Variants in GAB4 observed in about 807,000 individuals in gnomAD.
The protein encoded by GAB4 is GRB2 associated binding protein family member 4.
Under a neutral mutation model 51.3 loss-of-function variants are expected in GAB4, and 26 were observed. That is an observed-to-expected ratio of 0.51 (90% confidence interval 0.37 to 0.70). The LOEUF (loss-of-function observed/expected upper bound fraction) is 0.70. GAB4 is among the 30% of genes least tolerant of loss of function. The pLI, the probability that GAB4 is intolerant of heterozygous loss-of-function variation, is 0.00. For missense variants in GAB4, 759 were observed against 734.6 expected (o/e 1.03, Z -0.38); for synonymous variants, 329 against 291.2 (o/e 1.13, Z -1.32).
intron 1 of GAB4, among the ~76,000 whole-genome samples, chr22:16,998,630 C>G (rs1020103133): frequency 1.3e-5 from 2 of 152,120 alleles, no homozygotes; most frequent in Non-Finnish European, 2.9e-5. Flanking sequence ...AATTGAATAC[C>G]CTTTATTTCT....
In GAB4 at chr22:16,965,267, G is replaced by A; in HGVS notation, c.1290C>T (p.Ala430=). The A allele has an allele frequency of 6.2e-7, 1 of 1,613,036 alleles. No individual in the cohort carries two copies. Among genetic ancestry groups the A allele is most frequent in the Non-Finnish European group, 8.5e-7 (1 of 1,179,226 alleles). ...VNRSLKPNQK[A]NPTPPNLRNN... ...TTCTCAGGTTGGGCGGTGTTGGGTT[G>A]GCTGGAGCAGGAAAAGAACCTTGTC... Residue 430 remains alanine, a splice_region_variant and synonymous_variant, in exon 7 of 10, where the codon GCC becomes GCT. Coordinates refer to ENST00000400588, the MANE Select transcript of GAB4 (RefSeq NM_001037814.1).
intron 9 of GAB4, among the ~76,000 whole-genome samples, chr22:16,963,412 A>G (rs2060644994): frequency 6.6e-6 from 1 of 152,156 alleles, no homozygotes; most frequent in African/African-American, 2.4e-5. Flanking sequence ...TCCTCACAGA[A>G]GAGTTTGGCC....
chr22:16,991,084 C>G (rs2060909715), intron 2 of GAB4, among the ~76,000 whole-genome samples: 1 of 152,122 alleles, frequency 6.6e-6, no homozygotes. Flanking sequence ...AGCCCTGGAC[C>G]CTTGCTACTC....
rs747117251 is a variant in GAB4, at chr22:16,963,840, A to G, written c.1477-11T>C. ...TGCAGATGCCGGGTTCTGCTGTCACAAGGAGGAAAATCCTGCAAATGAGTT... is the reference window on the plus strand; with the variant it reads ...TGCAGATGCCGGGTTCTGCTGTCACGAGGAGGAAAATCCTGCAAATGAGTT... On this transcript the variant is annotated splice_polypyrimidine_tract_variant and intron_variant, in intron 8 of 9. Coordinates refer to ENST00000400588, the MANE Select transcript of GAB4 (RefSeq NM_001037814.1). 4.3e-6 allele frequency: 7 copies of G among 1,609,246 alleles called. No individual in the cohort carries two copies. The East Asian group carries it at 1.3e-4, about 31-fold the overall frequency.
At chr22:17,003,207 T>C (rs917650416) in intron 1 of GAB4, among the ~76,000 whole-genome samples, 3 of 152,182 alleles carry the variant, frequency 2.0e-5, no homozygotes, top group Non-Finnish European at 4.4e-5. Flanking sequence ...AGAAAGAGAC[T>C]TAGACTCCCA....
At chr22:16,967,460 G>C (rs942429406) in intron 5 of GAB4, 4 of 152,354 alleles carry the variant, frequency 2.6e-5, no homozygotes, top group African/African-American at 4.8e-5. Context: ...TCAAGGCAAG[G>C]ATCACATCAG....
chr22:17,007,558 G>C lies in GAB4; in HGVS notation c.174+383C>G, dbSNP rs559115301. On this transcript the variant is annotated intron_variant, in intron 1 of 9. Transcript: ENST00000400588. The stretch of plus-strand genomic sequence containing the variant: ...AGGCGCCTGCCTTCCTTGGGGCCTG[G>C]GAGGGAAGGAGAGAGGGTGCGAGGT... Among the ~76,000 whole-genome samples, 11 of 152,168 alleles carry C rather than the reference G, an allele frequency of 7.2e-5. No individual in the cohort carries two copies. In the East Asian group the frequency reaches 1.9e-3, roughly 27 times the overall value.
rs1403783013 is a variant in GAB4 at position 16,988,039 on chromosome 22, G to C, written c.607C>G (p.Pro203Ala). Residue 203 changes from proline to alanine, a missense_variant, in exon 3 of 10, where the codon CCG becomes GCG. By Grantham distance (27) the Pro-to-Ala change is conservative. Around this residue, in one of 3 missense-constraint regions of GAB4, gnomAD observed 588 missense variants for 510.2 expected, o/e 1.15. Transcript: ENST00000400588. ...GGTGCAGGGATGGGCCAGGTGGGCG[G>C]CACACAGTGAGACACCGGGGGCTCA... ...TSEPPVSHCV[P>A]PTWPIPAPPG... 6.2e-7 allele frequency: 1 copy of C among 1,608,120 alleles called. No homozygotes were observed. Among genetic ancestry groups the C allele is most frequent in the Admixed American group, 1.7e-5 (1 of 59,052 alleles).
chr22:16,966,171 T>C lies in GAB4; in HGVS notation c.1217A>G (p.His406Arg). ...LGSPLTELSM[H>R]QDLSQGHEVQ... The stretch of plus-strand genomic sequence containing the variant: ...CTCATGTCCCTGGCTGAGGTCTTGG[T>C]GCATAGAAAGCTCTGTGAGTGGGGA... Residue 406 changes from histidine to arginine, a missense_variant, in exon 6 of 10, where the codon CAC becomes CGC. By Grantham distance (29) the His-to-Arg change is conservative (BLOSUM62 0). Transcript: ENST00000400588. 6.2e-7 allele frequency: 1 copy of C among 1,613,992 alleles called. No individual in the cohort carries two copies. Among genetic ancestry groups the C allele is most frequent in the Non-Finnish European group, 8.5e-7 (1 of 1,179,996 alleles).
chr22:16,992,835 C>A (rs1177348806), intron 1 of GAB4, among the ~76,000 whole-genome samples: 9 of 152,250 alleles, frequency 5.9e-5, no homozygotes, highest in South Asian at 4.1e-4. Flanking sequence ...AATCATCCCA[C>A]TTCAGCCTCC....
intron 6 of GAB4, 69 bp downstream of exon 6, chr22:16,966,031 T>C: frequency 1.4e-6 from 2 of 1,438,930 alleles, no homozygotes; most frequent in Non-Finnish European, 1.9e-6. Flanking sequence ...ACATCCAGGA[T>C]CCACCTGACA....
chr22:16,982,378 C>T (rs550036412), intron 3 of GAB4, among the ~76,000 whole-genome samples: 38 of 152,136 alleles, frequency 2.5e-4, no homozygotes, highest in Non-Finnish European at 4.9e-4. Flanking sequence ...TTCTATATGT[C>T]AACAACAAAC....
At chr22:16,988,829 G>A (rs1298320316) in intron 2 of GAB4, among the ~76,000 whole-genome samples, 2 of 152,188 alleles carry the variant, frequency 1.3e-5, no homozygotes. Context: ...GGCAGCATCA[G>A]CCATCCTGCA....
At position 16,964,806 on chromosome 22, in the gene GAB4, T is replaced by G. The variant is rs766036441; in HGVS notation, c.1436A>C (p.Asn479Thr). Residue 479 changes from asparagine to threonine, a missense_variant, in exon 8 of 10, where the codon AAC (asparagine) becomes ACC (threonine). Coordinates refer to ENST00000400588, the MANE Select transcript of GAB4 (RefSeq NM_001037814.1). ...QHPISTQSIT[N>T]TDSEDSGERY... ...CTCTCCACTGTCTTCTGAGTCTGTG[T>G]TGGTGATGCTCTGCGTGGAGATGGG... is the stretch of plus-strand genomic sequence containing the variant. 1 of 1,613,814 alleles carries G rather than the reference T, an allele frequency of 6.2e-7. No homozygotes were observed. The highest frequency in any genetic ancestry group is 8.5e-7 in the Non-Finnish European group (1 of 1,179,840).
At chr22:16,983,189 C>T (rs1365931890) in intron 3 of GAB4, among the ~76,000 whole-genome samples, 2 of 152,162 alleles carry the variant, frequency 1.3e-5, no homozygotes, top group Non-Finnish European at 2.9e-5. Context: ...AACCCCACAT[C>T]CTCACCACCT....
intron 1 of GAB4, among the ~76,000 whole-genome samples, chr22:16,996,929 G>C (rs1475466907): frequency 6.6e-6 from 1 of 151,546 alleles, no homozygotes; most frequent in African/African-American, 2.4e-5. Flanking sequence ...TTCTGTCCTT[G>C]CAATAGTTTG....
chr22:16,967,407 A>C (rs1252242373), intron 5 of GAB4: 1 of 152,610 alleles, frequency 6.6e-6, no homozygotes, highest in East Asian at 1.9e-4. Flanking sequence ...CATCCACCTC[A>C]AGTCCTGACT....
At chr22:17,001,406 T>C (rs1346605840) in intron 1 of GAB4, among the ~76,000 whole-genome samples, 1 of 152,224 alleles carries the variant, frequency 6.6e-6, no homozygotes, top group Non-Finnish European at 1.5e-5. Flanking sequence ...CAATCACTGA[T>C]GCCTTCTTCC....
At chr22:16,965,843 G>T (rs1008204545) in intron 6 of GAB4, among the ~76,000 whole-genome samples, 4 of 152,212 alleles carry the variant, frequency 2.6e-5, no homozygotes, top group Non-Finnish European at 5.9e-5. Context: ...TCTTCTTCCT[G>T]GTCTACACGT....
Sources: gnomAD v4.1 joint callset for allele counts (sites outside exome capture counted in the v4.1 genomes callset) on GRCh38, gnomAD v4.1.1 for gene constraint, gnomAD v4.1.1 regional missense constraint, MANE v1.5 for transcripts, NCBI Gene and HGNC (gene_info 2026-07-23, HGNC 2026-07-21) for gene names.